SNX24: variants seen among roughly 807,000 people sequenced by gnomAD.
SNX24 encodes sorting nexin-24.
In SNX24, 22 loss-of-function variants were observed where a neutral mutation model predicts 28.7. That is an observed-to-expected ratio of 0.77 (90% CI 0.55 to 1.10). The LOEUF (loss-of-function observed/expected upper bound fraction) is 1.10, where lower values mean the gene tolerates loss of function less well. Ranked by LOEUF, SNX24 falls within the 50% of genes least tolerant of loss-of-function variation. The pLI is 0.00. For synonymous variants in SNX24, 69 were observed against 71.5 expected, an observed-to-expected ratio of 0.96 and a Z score of 0.18; for missense variants, 221 against 201.1, an observed-to-expected ratio of 1.10 and a Z score of -0.60.
chr5:122,914,291 G>T (rs1290919635), intron 1 of SNX24, among the ~76,000 whole-genome samples: 2 of 152,204 alleles, frequency 1.3e-5, no homozygotes. Context: ...TGCTGGATTC[G>T]GTTTGCCAGT....
chr5:123,021,104 TC>T (rs11407427), intron 5 of SNX24, among the ~76,000 whole-genome samples: 1 of 146,556 alleles, frequency 6.8e-6, no homozygotes, highest in African/African-American at 2.5e-5. Flanking sequence ...TCCACACAGT[TC>T]CCCCCCCGTC....
chr5:123,002,248 G>T (rs1490905198), intron 6 of SNX24: 1 of 514,290 alleles, frequency 1.9e-6, no homozygotes, highest in African/African-American at 1.9e-5. Flanking sequence ...AGGAAGAATG[G>T]TATTTATGGT....
At chr5:122,878,210 G>A (rs901342391) in intron 1 of SNX24, among the ~76,000 whole-genome samples, 2 of 152,124 alleles carry the variant, frequency 1.3e-5, no homozygotes, top group East Asian at 1.9e-4. Flanking sequence ...TCACAGAAGT[G>A]GTAAGATTCT....
intron 6 of SNX24, among the ~76,000 whole-genome samples, chr5:123,006,737 G>A (rs1305339699): frequency 6.6e-6 from 1 of 152,090 alleles, no homozygotes; most frequent in African/African-American, 2.4e-5. Context: ...GCTCCCTCTG[G>A]CCACAGACTT....
At chr5:122,913,228 G>A (rs1266017338) in intron 1 of SNX24, among the ~76,000 whole-genome samples, 1 of 152,188 alleles carries the variant, frequency 6.6e-6, no homozygotes, top group South Asian at 2.1e-4. Flanking sequence ...GAGCTGTTGG[G>A]TACACCTCCC....
At chr5:123,022,378 G>GACA (rs1762773687) in intron 5 of SNX24, 1 of 152,008 alleles carries the variant, frequency 6.6e-6, no homozygotes, top group South Asian at 2.1e-4. Flanking sequence ...TTTTCTAACA[G>GACA]ACAACACTTC....
intron 3 of SNX24, among the ~76,000 whole-genome samples, chr5:122,994,798 G>A (rs1761993103): frequency 6.6e-6 from 1 of 152,126 alleles, no homozygotes; most frequent in African/African-American, 2.4e-5. Context: ...TATCTGGTCT[G>A]CTTTAGAGAA....
intron 5 of SNX24, chr5:123,023,539 G>A (rs918821021): frequency 1.2e-5 from 2 of 164,782 alleles, no homozygotes; most frequent in African/African-American, 4.8e-5. Flanking sequence ...TCAGATAAAT[G>A]TTCAGCATTA....
At chr5:122,881,010 G>T (rs62377385) in intron 1 of SNX24, among the ~76,000 whole-genome samples, 1 of 152,142 alleles carries the variant, frequency 6.6e-6, no homozygotes, top group Non-Finnish European at 1.5e-5. Context: ...CTTGGCCTGC[G>T]ATTTGTCATG....
intron 6 of SNX24, 88 bp downstream of exon 6, chr5:123,002,092 T>C: frequency 9.8e-7 from 1 of 1,019,274 alleles, no homozygotes; most frequent in Non-Finnish European, 1.6e-6. Context: ...TCTAACAGAG[T>C]GACATTGGTC....
At chr5:122,940,014 G>A (rs554308144) in intron 2 of SNX24, among the ~76,000 whole-genome samples, 60 of 148,782 alleles carry the variant, frequency 4.0e-4, no homozygotes, top group Admixed American at 8.7e-4. Flanking sequence ...TTTTGAGACA[G>A]AGTCTCGCTC....
chr5:122,857,907 T>G (rs1188622684), intron 1 of SNX24, among the ~76,000 whole-genome samples: 1 of 152,018 alleles, frequency 6.6e-6, no homozygotes, highest in Non-Finnish European at 1.5e-5. Context: ...CTCAGCCTCC[T>G]GAGTAGCTGG....
intron 3 of SNX24, among the ~76,000 whole-genome samples, chr5:122,963,899 C>A (rs1760592701): frequency 6.6e-6 from 1 of 152,098 alleles, no homozygotes. Context: ...TATCCAACAT[C>A]TTTGGAAAAC....
At chr5:122,845,993 C>G (rs1329897280) in intron 1 of SNX24, among the ~76,000 whole-genome samples, 1 of 152,208 alleles carries the variant, frequency 6.6e-6, no homozygotes, top group Non-Finnish European at 1.5e-5. Context: ...TTCGGGAGCC[C>G]AGGATGGGCT....
chr5:122,960,978 ATGTC>A (rs1301896934), intron 3 of SNX24, among the ~76,000 whole-genome samples: 2 of 152,110 alleles, frequency 1.3e-5, no homozygotes, highest in African/African-American at 4.8e-5. Context: ...ATAATTATGG[ATGTC>A]TATATAAGTA....
chr5:122,972,718 A>G (rs1761006994), intron 3 of SNX24, among the ~76,000 whole-genome samples: 1 of 152,214 alleles, frequency 6.6e-6, no homozygotes, highest in Admixed American at 6.5e-5. Context: ...CAGGATAGGC[A>G]AACCCATATC....
At position 122,974,038 on chromosome 5, in the gene SNX24, G is replaced by A. The variant is rs558355373; in HGVS notation, c.250-25874G>A. 3.5e-4 allele frequency among the ~76,000 whole-genome samples: 54 copies of A among 152,290 alleles called. No homozygotes were observed. The South Asian group carries it at 3.7e-3, about 11-fold the overall frequency. On this transcript the variant is annotated intron_variant, in intron 3 of 6. Transcript: ENST00000261369. ...GGACTCGAAACTGGCAGCCTTTTGG[G>A]TCACTCAATAAATGGGCTGGAGTAA...
intron 3 of SNX24, among the ~76,000 whole-genome samples, chr5:122,950,008 T>C (rs570489964): frequency 6.6e-6 from 1 of 152,302 alleles, no homozygotes; most frequent in East Asian, 1.9e-4. Context: ...ATCAATTAAC[T>C]ATTATTATGT....
chr5:122,902,056 T>A lies in SNX24; in HGVS notation c.61-34678T>A, dbSNP rs533864195. Among the ~76,000 whole-genome samples, 7 of 152,342 alleles carry A rather than the reference T, an allele frequency of 4.6e-5. No homozygotes were observed. The South Asian group carries it at 8.3e-4, about 18-fold the overall frequency. On this transcript the variant is annotated intron_variant, in intron 1 of 6. Transcript: ENST00000261369. ...CATAAGAACAGTCATTGTCTGTCCTTCATCTGGGCATTCAGCTCTTTGCCA... is the reference window on the plus strand; with the variant it reads ...CATAAGAACAGTCATTGTCTGTCCTACATCTGGGCATTCAGCTCTTTGCCA...
Sources: gnomAD v4.1 joint callset for allele counts (sites outside exome capture counted in the v4.1 genomes callset) on GRCh38, gnomAD v4.1.1 for gene constraint, MANE v1.5 for transcripts, NCBI Gene and HGNC (gene_info 2026-07-23, HGNC 2026-07-21) for gene names.